The following LRP1B variants were observed in gnomAD, a reference collection of about 807,000 sequenced individuals.
LRP1B encodes the protein low-density lipoprotein receptor-related protein 1B.
LRP1B carries 217 observed loss-of-function variants against 556.6 expected under a neutral mutation model. The observed-to-expected ratio is 0.39, with a 90% CI of 0.35 to 0.44. LRP1B has a LOEUF of 0.44. Ranked by LOEUF, LRP1B falls within the 20% of genes least tolerant of loss-of-function variation. LRP1B has a pLI of 1.00. For missense variants in LRP1B, 5,053 were observed against 5,620.8 expected (o/e 0.90, Z 3.23); for synonymous variants, 2,047 against 1,865.8 (o/e 1.10, Z -2.50).
chr2:141,287,963 T>G (rs932166857), intron 3 of LRP1B, among the ~76,000 whole-genome samples: 4 of 152,304 alleles, frequency 2.6e-5, no homozygotes, highest in South Asian at 2.1e-4. Context: ...CATATGTATA[T>G]ATAAAACTGT....
intron 4 of LRP1B, among the ~76,000 whole-genome samples, chr2:141,253,563 T>C (rs1684347288): frequency 6.6e-6 from 1 of 152,118 alleles, no homozygotes; most frequent in East Asian, 1.9e-4. Context: ...ACTAAGAAGA[T>C]GTGTGGACTT....
At chr2:140,472,056 G>A (rs1687793002) in intron 60 of LRP1B, among the ~76,000 whole-genome samples, 1 of 152,024 alleles carries the variant, frequency 6.6e-6, no homozygotes. Context: ...TGCATTTTTG[G>A]AATATTTTGC....
At chr2:141,610,963 C>T (rs936676644) in intron 2 of LRP1B, among the ~76,000 whole-genome samples, 14 of 152,176 alleles carry the variant, frequency 9.2e-5, no homozygotes, top group African/African-American at 3.1e-4. Context: ...TTAGCACCAG[C>T]TTACTGGAAC....
intron 20 of LRP1B, among the ~76,000 whole-genome samples, chr2:140,942,989 AT>A (rs984226687): frequency 4.6e-5 from 7 of 152,120 alleles, no homozygotes; most frequent in African/African-American, 1.7e-4. Context: ...AGAGTGACTA[AT>A]TGGGTTTAAA....
intron 7 of LRP1B, among the ~76,000 whole-genome samples, chr2:141,065,589 T>C (rs1016241999): frequency 2.0e-5 from 3 of 151,914 alleles, no homozygotes; most frequent in African/African-American, 7.2e-5. Context: ...GAGATCTGTC[T>C]GATTTTTGTC....
intron 3 of LRP1B, among the ~76,000 whole-genome samples, chr2:141,375,719 G>C (rs1336588852): frequency 6.6e-6 from 1 of 152,134 alleles, no homozygotes; most frequent in African/African-American, 2.4e-5. Flanking sequence ...TTGGTCCTGG[G>C]ACCAGATAAG....
chr2:140,526,382 G>T, intron 47 of LRP1B, 32 bp from the exon 48 acceptor site: 1 of 1,250,652 alleles, frequency 8.0e-7, no homozygotes. Flanking sequence ...CAAATGCAAA[G>T]ATGGGACAGA....
intron 1 of LRP1B, among the ~76,000 whole-genome samples, chr2:141,924,116 C>T (rs1700272042): frequency 6.6e-6 from 1 of 152,038 alleles, no homozygotes; most frequent in South Asian, 2.1e-4. Flanking sequence ...GTGTTTTGGC[C>T]TGCAATGCCC....
intron 35 of LRP1B, among the ~76,000 whole-genome samples, chr2:140,735,187 T>G (rs1687906034): frequency 6.6e-6 from 1 of 152,104 alleles, no homozygotes; most frequent in African/African-American, 2.4e-5. Flanking sequence ...GTGCAATTGC[T>G]AAAGATTTCA....
chr2:141,157,391 A>G lies in LRP1B; in HGVS notation c.1013+31030T>C, dbSNP rs2105101420. On this transcript the variant is annotated intron_variant, in intron 7 of 90. Transcript: ENST00000389484. ...TATAGAAAACATGAATATTTAAGCT[A>G]AAAGGCACTTTGGAGAAGAACAGTC... is the stretch of plus-strand genomic sequence containing the variant. Among the ~76,000 whole-genome samples the G allele has an allele frequency of 2.0e-5, 3 of 152,252 alleles. 1 individual carries two copies.
intron 2 of LRP1B, among the ~76,000 whole-genome samples, chr2:141,500,438 T>G (rs1222341806): frequency 1.3e-5 from 2 of 152,140 alleles, no homozygotes; most frequent in East Asian, 3.9e-4. Context: ...CCCCGGTTAC[T>G]AAGCTAAAGA....
chr2:140,742,792 T>C (rs1688185238), intron 35 of LRP1B, among the ~76,000 whole-genome samples: 2 of 152,138 alleles, frequency 1.3e-5, no homozygotes, highest in African/African-American at 4.8e-5. Flanking sequence ...TTAAAATTTA[T>C]GTTATTAAGT....
intron 9 of LRP1B, 25 bp downstream of exon 9, chr2:141,058,858 G>T: frequency 6.4e-7 from 1 of 1,553,682 alleles, no homozygotes; most frequent in Non-Finnish European, 8.7e-7. Context: ...CATTAGGAAG[G>T]TAATAAAGAA....
At chr2:141,661,295 TCCAGCAATGGCA>T (rs1021606305) in intron 2 of LRP1B, among the ~76,000 whole-genome samples, 2 of 152,078 alleles carry the variant, frequency 1.3e-5, no homozygotes, top group Non-Finnish European at 2.9e-5. Flanking sequence ...ACAACACCTC[TCCAGCAATGGCA>T]CCGGATTGGG....
intron 1 of LRP1B, among the ~76,000 whole-genome samples, chr2:141,978,592 G>A (rs547461748): frequency 6.6e-6 from 1 of 151,952 alleles, no homozygotes; most frequent in South Asian, 2.1e-4. Flanking sequence ...TACAGGGCAG[G>A]TTAATCATAG....
At chr2:140,633,297 C>G (rs1683957133) in intron 41 of LRP1B, among the ~76,000 whole-genome samples, 1 of 151,838 alleles carries the variant, frequency 6.6e-6, no homozygotes, top group African/African-American at 2.4e-5. Flanking sequence ...TATAACTTAC[C>G]AAAATATGTG....
chr2:141,978,129 A>G (rs1447196396), intron 1 of LRP1B, among the ~76,000 whole-genome samples: 3 of 152,144 alleles, frequency 2.0e-5, no homozygotes, highest in African/African-American at 7.2e-5. Flanking sequence ...AGTATTAATA[A>G]GAACAAATTT....
chr2:141,522,037 A>C lies in LRP1B; in HGVS notation c.206-41504T>G, dbSNP rs368871114. Among the ~76,000 whole-genome samples, 43 of 152,258 alleles carry C rather than the reference A, an allele frequency of 2.8e-4. No individual in the cohort carries two copies. In the East Asian group the frequency reaches 8.3e-3, roughly 29 times the overall value. On this transcript the variant is annotated intron_variant, in intron 2 of 90. Transcript: ENST00000389484. ...TTCTGTTATCTGACTATTAAGTAGGAAAACAGGGCAACAGCATACATTACT... is the reference window on the plus strand; with the variant it reads ...TTCTGTTATCTGACTATTAAGTAGGCAAACAGGGCAACAGCATACATTACT...
chr2:140,252,087 A>AAAAAAAAAAAAAAAAAAAAAAAAAAAAC (rs1170506845), intron 86 of LRP1B, among the ~76,000 whole-genome samples: 11 of 111,680 alleles, frequency 9.8e-5, no homozygotes, highest in East Asian at 3.0e-4. Flanking sequence ...AAAAAAAAAA[A>AAAAAAAAAAAAAAAAAAAAAAAAAAAAC]AACCCAAAAA....
Sources: allele counts gnomAD v4.1 joint callset (sites outside exome capture counted in the v4.1 genomes callset), GRCh38; gene constraint gnomAD v4.1.1; transcripts MANE v1.5; gene names NCBI Gene and HGNC (gene_info 2026-07-23, HGNC 2026-07-21).